The following NRXN1 variants were observed in gnomAD, a reference collection of about 807,000 sequenced individuals.
NRXN1 encodes the protein neurexin 1.
A neutral mutation model predicts 150.9 loss-of-function variants in NRXN1; 39 were observed. The observed-to-expected ratio is 0.26, with a 90% CI of 0.20 to 0.34. The LOEUF (loss-of-function observed/expected upper bound fraction) is 0.34, where lower values mean the gene tolerates loss of function less well. NRXN1 is among the 10% of genes least tolerant of loss of function. NRXN1 has a pLI of 1.00. For synonymous variants in NRXN1, 924 were observed against 757.0 expected (o/e 1.22, Z -3.62); for missense variants, 1,815 against 1,949.9 (o/e 0.93, Z 1.30).
chr2:50,162,592 G>T (rs890145801), intron 18 of NRXN1, among the ~76,000 whole-genome samples: 1 of 151,800 alleles, frequency 6.6e-6, no homozygotes, highest in African/African-American at 2.4e-5. Flanking sequence ...AATAAAAAGG[G>T]CACCAAATTC....
chr2:51,001,015 A>C (rs1009796539), intron 2 of NRXN1, among the ~76,000 whole-genome samples: 2 of 152,006 alleles, frequency 1.3e-5, no homozygotes, highest in African/African-American at 4.8e-5. Context: ...TAAGGATGTA[A>C]GAGCTTACAA....
chr2:50,055,726 C>G (rs1469648138), intron 19 of NRXN1, among the ~76,000 whole-genome samples: 1 of 152,088 alleles, frequency 6.6e-6, no homozygotes, highest in Non-Finnish European at 1.5e-5. Flanking sequence ...TTTGAGTGTC[C>G]TTGAGTTTCA....
intron 18 of NRXN1, among the ~76,000 whole-genome samples, chr2:50,180,434 G>A (rs771175064): frequency 2.0e-5 from 3 of 152,106 alleles, no homozygotes; most frequent in Non-Finnish European, 4.4e-5. Flanking sequence ...TAGCCTGAAT[G>A]TGTCCCCCAG....
At chr2:50,109,284 C>T (rs1901702) in intron 18 of NRXN1, among the ~76,000 whole-genome samples, 1 of 151,874 alleles carries the variant, frequency 6.6e-6, no homozygotes, top group African/African-American at 2.4e-5. Flanking sequence ...TCTTGCTTTA[C>T]TTTCCTCATT....
At chr2:50,305,641 A>C (rs2074545741) in intron 17 of NRXN1, among the ~76,000 whole-genome samples, 1 of 152,200 alleles carries the variant, frequency 6.6e-6, no homozygotes, top group Admixed American at 6.5e-5. Flanking sequence ...GCTGATGACA[A>C]ATGACAAGTT....
intron 5 of NRXN1, among the ~76,000 whole-genome samples, chr2:50,840,585 A>G (rs1411180308): frequency 6.6e-6 from 1 of 152,102 alleles, no homozygotes; most frequent in Non-Finnish European, 1.5e-5. Context: ...ATGCCCCTCA[A>G]CAGCTGAGGT....
rs199727980 is a variant in NRXN1 at position 50,236,775 on chromosome 2, C to A, written c.3546+14G>T. On this transcript the variant is annotated intron_variant, in intron 18 of 22. Transcript: ENST00000401669. ...TAAAAAGTAAAAGCTGAATCTTATG[C>A]AAAAAGTACTTACTATATGCAGTTC... The A allele has an allele frequency of 1.9e-6, 3 of 1,611,466 alleles. No individual in the cohort carries two copies. Among genetic ancestry groups the A allele is most frequent in the Non-Finnish European group, 2.5e-6 (3 of 1,178,432 alleles).
chr2:50,348,772 A>G (rs1426286836), intron 17 of NRXN1, among the ~76,000 whole-genome samples: 1 of 152,150 alleles, frequency 6.6e-6, no homozygotes, highest in African/African-American at 2.4e-5. Flanking sequence ...ACTTGGGACT[A>G]TGATTTAAAC....
intron 18 of NRXN1, among the ~76,000 whole-genome samples, chr2:50,224,840 G>A (rs1440282266): frequency 6.6e-6 from 1 of 151,632 alleles, no homozygotes; most frequent in Non-Finnish European, 1.5e-5. Flanking sequence ...TCTCCTAGTG[G>A]ATTCTTCTCT....
intron 17 of NRXN1, among the ~76,000 whole-genome samples, chr2:50,422,214 G>A (rs904143890): frequency 6.6e-6 from 1 of 152,056 alleles, no homozygotes; most frequent in African/African-American, 2.4e-5. Context: ...TCAAATCTGT[G>A]GTTCTGGGAT....
intron 17 of NRXN1, among the ~76,000 whole-genome samples, chr2:50,351,746 A>G (rs772477749): frequency 6.6e-6 from 1 of 152,158 alleles, no homozygotes; most frequent in Non-Finnish European, 1.5e-5. Flanking sequence ...GGTAGGTACT[A>G]TTGTTGATCC....
intron 15 of NRXN1, among the ~76,000 whole-genome samples, chr2:50,483,565 C>T (rs2090638651): frequency 6.6e-6 from 1 of 152,266 alleles, no homozygotes; most frequent in Admixed American, 6.5e-5. Context: ...ATCCTTGTTG[C>T]AACCCTTCAC....
intron 5 of NRXN1, among the ~76,000 whole-genome samples, chr2:50,845,582 C>T (rs1673522900): frequency 6.6e-6 from 1 of 152,166 alleles, no homozygotes; most frequent in South Asian, 2.1e-4. Flanking sequence ...TTTTCCCTCA[C>T]AAATTTAAAG....
At chr2:50,567,039 CTT>C (rs1438812338) in intron 8 of NRXN1, among the ~76,000 whole-genome samples, 1 of 151,702 alleles carries the variant, frequency 6.6e-6, no homozygotes, top group African/African-American at 2.4e-5. Flanking sequence ...ATCCTACTCT[CTT>C]TCTCTCTTGA....
chr2:50,092,722 A>G (rs1277086464), intron 18 of NRXN1, among the ~76,000 whole-genome samples: 1 of 152,190 alleles, frequency 6.6e-6, no homozygotes, highest in Non-Finnish European at 1.5e-5. Context: ...TAATCAAAGG[A>G]AAATATTTGA....
At chr2:50,254,793 A>T (rs537471100) in intron 17 of NRXN1, among the ~76,000 whole-genome samples, 1 of 152,114 alleles carries the variant, frequency 6.6e-6, no homozygotes, top group Admixed American at 6.6e-5. Context: ...TCTGTGATTT[A>T]TCTATCCACA....
chr2:50,360,072 C>T (rs905505215), intron 17 of NRXN1, among the ~76,000 whole-genome samples: 2 of 152,156 alleles, frequency 1.3e-5, no homozygotes, highest in Admixed American at 6.5e-5. Context: ...GATTTTGTCA[C>T]CACCAGGCCT....
intron 21 of NRXN1, among the ~76,000 whole-genome samples, chr2:50,045,642 C>A (rs1308952034): frequency 6.6e-6 from 1 of 152,110 alleles, no homozygotes; most frequent in Admixed American, 6.5e-5. Context: ...TATTACAGAA[C>A]AATTTGTAGA....
Position 50,011,317 on chromosome 2 carries a change from G to T in NRXN1, c.4128+41954C>A, listed in dbSNP as rs1029686379. ...ACTTTTTTACTTTGGAAGATTTGGA[G>T]CTGTGCTCAAAATTGTACAAGGAAC... On this transcript the variant is annotated intron_variant, in intron 21 of 22. Coordinates refer to ENST00000401669, the MANE Select transcript of NRXN1 (RefSeq NM_001330078.2). Among the ~76,000 whole-genome samples the T allele has an allele frequency of 3.9e-5, 6 of 152,262 alleles. No individual in the cohort carries two copies. The East Asian group carries it at 7.7e-4, about 20-fold the overall frequency.
Sources: allele counts gnomAD v4.1 joint callset (sites outside exome capture counted in the v4.1 genomes callset), GRCh38; gene constraint gnomAD v4.1.1; transcripts MANE v1.5; gene names NCBI Gene and HGNC (gene_info 2026-07-23, HGNC 2026-07-21).